KCNH7: variants seen among roughly 807,000 people sequenced by gnomAD.
The protein encoded by KCNH7 is voltage-gated inwardly rectifying potassium channel KCNH7.
A neutral mutation model predicts 120.8 loss-of-function variants in KCNH7; 49 were observed. That is an observed-to-expected ratio of 0.41 (90% confidence interval 0.32 to 0.51). The LOEUF (loss-of-function observed/expected upper bound fraction) is 0.51. KCNH7 is among the 20% of genes least tolerant of loss of function. KCNH7 has a pLI of 0.38. For synonymous variants in KCNH7, 547 were observed against 516.1 expected (o/e 1.06, Z -0.81); for missense variants, 1,097 against 1,446.6 (o/e 0.76, Z 3.92).
intron 2 of KCNH7, among the ~76,000 whole-genome samples, chr2:162,808,546 T>C (rs1304282271): frequency 6.6e-6 from 1 of 152,180 alleles, no homozygotes; most frequent in Non-Finnish European, 1.5e-5. Context: ...AAGTGATTTT[T>C]AAATTTAAAA....
At chr2:162,705,593 T>G (rs892062226) in intron 2 of KCNH7, among the ~76,000 whole-genome samples, 1 of 152,136 alleles carries the variant, frequency 6.6e-6, no homozygotes, top group Non-Finnish European at 1.5e-5. Flanking sequence ...GCAAATGTGT[T>G]AAGCTGGTCT....
chr2:162,775,939 T>A (rs1466571966), intron 2 of KCNH7, among the ~76,000 whole-genome samples: 1 of 152,178 alleles, frequency 6.6e-6, no homozygotes, highest in African/African-American at 2.4e-5. Flanking sequence ...GCAAGTTATT[T>A]AAGCAATCTA....
intron 8 of KCNH7, among the ~76,000 whole-genome samples, chr2:162,434,895 A>T (rs772971077): frequency 7.2e-5 from 11 of 152,056 alleles, no homozygotes; most frequent in Non-Finnish European, 1.5e-4. Flanking sequence ...ATAGAAAATA[A>T]CCATTGGTAA....
intron 6 of KCNH7, among the ~76,000 whole-genome samples, chr2:162,496,281 AG>A (rs1690495093): frequency 6.6e-6 from 1 of 152,164 alleles, no homozygotes. Context: ...CAGTAAGGAA[AG>A]GTCCCCAGAG....
chr2:162,553,342 C>T (rs1320252153), intron 2 of KCNH7, among the ~76,000 whole-genome samples: 1 of 152,140 alleles, frequency 6.6e-6, no homozygotes, highest in Non-Finnish European at 1.5e-5. Flanking sequence ...TTCATCATTC[C>T]CTGTAGACAT....
intron 2 of KCNH7, among the ~76,000 whole-genome samples, chr2:162,750,161 C>A (rs1412333510): frequency 6.8e-6 from 1 of 147,278 alleles, no homozygotes; most frequent in Non-Finnish European, 1.5e-5. Flanking sequence ...AAGGAGTCCA[C>A]AGAACACACA....
intron 12 of KCNH7, among the ~76,000 whole-genome samples, chr2:162,392,791 T>A (rs997665225): frequency 6.6e-6 from 1 of 151,824 alleles, no homozygotes; most frequent in Admixed American, 6.6e-5. Flanking sequence ...GAAATAAGAC[T>A]GAAGAGGTAA....
chr2:162,593,080 T>C (rs895629343), intron 2 of KCNH7, among the ~76,000 whole-genome samples: 1 of 152,136 alleles, frequency 6.6e-6, no homozygotes, highest in Non-Finnish European at 1.5e-5. Context: ...GTTTTAGGAC[T>C]TATGAGCCAC....
chr2:162,523,927 AG>A (rs1691614671), intron 3 of KCNH7, among the ~76,000 whole-genome samples: 1 of 151,910 alleles, frequency 6.6e-6, no homozygotes, highest in Non-Finnish European at 1.5e-5. Flanking sequence ...TGGACTGAAA[AG>A]TAGAGGGAAA....
At chr2:162,826,761 A>C (rs772452061) in intron 2 of KCNH7, among the ~76,000 whole-genome samples, 1 of 152,128 alleles carries the variant, frequency 6.6e-6, no homozygotes, top group Non-Finnish European at 1.5e-5. Flanking sequence ...CTTTTTAATA[A>C]CTGCCTTAAT....
chr2:162,482,782 T>C (rs1689972588), intron 6 of KCNH7, among the ~76,000 whole-genome samples: 1 of 152,138 alleles, frequency 6.6e-6, no homozygotes, highest in Non-Finnish European at 1.5e-5. Context: ...CAAATCTTCA[T>C]AGATTAATCA....
chr2:162,571,729 A>G (rs1445769854), intron 2 of KCNH7, among the ~76,000 whole-genome samples: 1 of 131,426 alleles, frequency 7.6e-6, no homozygotes, highest in Non-Finnish European at 1.6e-5. Context: ...CAGAGCCCTC[A>G]GAAATAACGC....
intron 9 of KCNH7, among the ~76,000 whole-genome samples, chr2:162,400,663 C>T (rs1687041497): frequency 6.6e-6 from 1 of 151,890 alleles, no homozygotes; most frequent in Non-Finnish European, 1.5e-5. Context: ...GGCATTCAGA[C>T]TCAATACAAA....
intron 6 of KCNH7, among the ~76,000 whole-genome samples, chr2:162,449,324 A>T (rs1347954394): frequency 6.6e-6 from 1 of 152,012 alleles, no homozygotes; most frequent in Non-Finnish European, 1.5e-5. Context: ...TATTATTCTT[A>T]TTTACAATGT....
At chr2:162,515,408 C>T (rs1447496294) in intron 4 of KCNH7, among the ~76,000 whole-genome samples, 1 of 151,746 alleles carries the variant, frequency 6.6e-6, no homozygotes, top group Non-Finnish European at 1.5e-5. Flanking sequence ...CTAAACTACT[C>T]AGCACCACTG....
intron 2 of KCNH7, among the ~76,000 whole-genome samples, chr2:162,831,314 C>T (rs1490858469): frequency 6.6e-6 from 1 of 152,144 alleles, no homozygotes; most frequent in Non-Finnish European, 1.5e-5. Context: ...ATAGCTCTCT[C>T]CCAGTATGTA....
intron 2 of KCNH7, among the ~76,000 whole-genome samples, chr2:162,674,637 G>T (rs555195777): frequency 1.3e-5 from 2 of 151,690 alleles, no homozygotes; most frequent in East Asian, 3.9e-4. Context: ...ATATAGCAGA[G>T]ACATAAACAA....
intron 6 of KCNH7, among the ~76,000 whole-genome samples, chr2:162,473,608 A>G (rs1047189261): frequency 6.6e-6 from 1 of 152,178 alleles, no homozygotes; most frequent in Non-Finnish European, 1.5e-5. Context: ...TATTTATTAG[A>G]CCATTCTGCC....
At chr2:162,380,489 T>G (rs1262652666) in intron 13 of KCNH7, among the ~76,000 whole-genome samples, 1 of 152,020 alleles carries the variant, frequency 6.6e-6, no homozygotes, top group Non-Finnish European at 1.5e-5. Context: ...CTTAGAGAAG[T>G]GCTGATCTTC....
Sources: allele counts gnomAD v4.1 joint callset (sites outside exome capture counted in the v4.1 genomes callset), GRCh38; gene constraint gnomAD v4.1.1; transcripts MANE v1.5; gene names NCBI Gene and HGNC (gene_info 2026-07-23, HGNC 2026-07-21).